ACTN2: variants seen among roughly 807,000 people sequenced by gnomAD.
ACTN2 encodes the protein alpha-actinin-2.
Under a neutral mutation model 113.8 loss-of-function variants are expected in ACTN2, and 39 were observed. The observed-to-expected ratio is 0.34, with a 90% CI of 0.27 to 0.45. ACTN2 has a LOEUF of 0.45. Ranked by LOEUF, ACTN2 falls within the 20% of genes least tolerant of loss-of-function variation. The pLI, the probability that ACTN2 is intolerant of heterozygous loss-of-function variation, is 1.00. For synonymous variants in ACTN2, 429 were observed against 444.1 expected, an observed-to-expected ratio of 0.97 and a Z score of 0.43; for missense variants, 992 against 1,177.9, an observed-to-expected ratio of 0.84 and a Z score of 2.31.
intron 1 of ACTN2, among the ~76,000 whole-genome samples, chr1:236,688,497 A>G (rs1665954070): frequency 6.6e-6 from 1 of 151,986 alleles, no homozygotes; most frequent in Non-Finnish European, 1.5e-5. Flanking sequence ...TTTTGGATAT[A>G]TGGCTTCGAA....
At chr1:236,699,215 T>G (rs2102867967) in intron 1 of ACTN2, among the ~76,000 whole-genome samples, 1 of 152,290 alleles carries the variant, frequency 6.6e-6, no homozygotes, top group South Asian at 2.1e-4. Context: ...GATTCAGTAT[T>G]TCTGATTTTC....
chr1:236,696,472 T>C lies in ACTN2; in HGVS notation c.126+9673T>C, dbSNP rs186073259. On this transcript the variant is annotated intron_variant, in intron 1 of 20. Transcript: ENST00000366578. ...CATGTGGAGTCTTTAAGTTATTTTGTTATAGTCAAACAAGATGTGAAGATG... is the reference window on the plus strand; with the variant it reads ...CATGTGGAGTCTTTAAGTTATTTTGCTATAGTCAAACAAGATGTGAAGATG... Among the ~76,000 whole-genome samples, 4 of 152,282 alleles carry C rather than the reference T, an allele frequency of 2.6e-5. No homozygotes were observed. In the East Asian group the frequency reaches 7.7e-4, roughly 29 times the overall value.
chr1:236,732,494 G>A (rs989005112), intron 7 of ACTN2, among the ~76,000 whole-genome samples: 1 of 151,632 alleles, frequency 6.6e-6, no homozygotes, highest in Non-Finnish European at 1.5e-5. Context: ...CCAGGCTGGA[G>A]TGCAGTGGTG....
At position 236,754,484 on chromosome 1, in the gene ACTN2, A is replaced by T. The variant is rs1659494715; in HGVS notation, c.1974+403A>T. ...TTTCAGGGACAGTGGTCTTTAAGTA[A>T]CCCTGTTGTCCTTTGATCACCAAGA... On this transcript the variant is annotated intron_variant, in intron 16 of 20. Transcript: ENST00000366578. This position sits in a 1 kb window ranked among gnomAD's most constrained non-coding sequence, Gnocchi z 4.9. Among the ~76,000 whole-genome samples the T allele has an allele frequency of 6.6e-6, 1 of 152,174 alleles. No homozygotes were observed. Among genetic ancestry groups the T allele is most frequent in the Non-Finnish European group, 1.5e-5 (1 of 68,024 alleles).
chr1:236,701,410 G>T (rs980519064), intron 1 of ACTN2, among the ~76,000 whole-genome samples: 1 of 152,114 alleles, frequency 6.6e-6, no homozygotes, highest in Non-Finnish European at 1.5e-5. Context: ...TAGTAATTCT[G>T]AATCTTTTAA....
chr1:236,713,625 A>G (rs1002120735), intron 1 of ACTN2, among the ~76,000 whole-genome samples: 97 of 151,948 alleles, frequency 6.4e-4, no homozygotes, highest in Non-Finnish European at 1.2e-3. Flanking sequence ...GATACCACTG[A>G]AGGGATATGC....
At chr1:236,696,810 C>T (rs1287167208) in intron 1 of ACTN2, among the ~76,000 whole-genome samples, 1 of 152,036 alleles carries the variant, frequency 6.6e-6, no homozygotes, top group South Asian at 2.1e-4. Flanking sequence ...AGACTACAGG[C>T]GTGCGCCACC....
intron 7 of ACTN2, 51 bp from the exon 8 acceptor site, chr1:236,735,584 T>C: frequency 7.0e-7 from 1 of 1,435,026 alleles, no homozygotes; most frequent in Non-Finnish European, 9.8e-7. Context: ...CGTCTGTATG[T>C]GTGTGGTGTG....
chr1:236,737,083 G>A (rs1175809050), intron 8 of ACTN2, 39 bp from the exon 9 acceptor site: 14 of 1,553,996 alleles, frequency 9.0e-6, no homozygotes, highest in African/African-American at 5.4e-5. Context: ...GCGCATTCCC[G>A]TCGACAGAGC....
At chr1:236,726,293 T>A (rs1658548348) in intron 5 of ACTN2, among the ~76,000 whole-genome samples, 1 of 152,202 alleles carries the variant, frequency 6.6e-6, no homozygotes. Flanking sequence ...TAAGCATGCA[T>A]CTTACTCTAG....
Position 236,751,081 on chromosome 1 carries a change from C to A in ACTN2, c.1657-389C>A, listed in dbSNP as rs532140189. On this transcript the variant is annotated intron_variant, in intron 14 of 20. Coordinates refer to ENST00000366578, the MANE Select transcript of ACTN2 (RefSeq NM_001103.4). ...CTCCAGCCTGAGTGACCTAGCGAGA[C>A]CCTGTCTCAAAAAAAAAAAAAAAAA... 3.9e-5 allele frequency among the ~76,000 whole-genome samples: 4 copies of A among 103,094 alleles called. No individual in the cohort carries two copies. In the East Asian group the frequency reaches 8.0e-4, roughly 21 times the overall value. 67.6% of individuals were successfully genotyped at this position (103,094 alleles called of 152,430 possible).
intron 13 of ACTN2, among the ~76,000 whole-genome samples, chr1:236,748,864 A>G (rs1214380183): frequency 6.6e-6 from 1 of 152,224 alleles, no homozygotes; most frequent in Non-Finnish European, 1.5e-5. Context: ...TCAGAAAAGT[A>G]GCATGTAGTG....
intron 12 of ACTN2, among the ~76,000 whole-genome samples, chr1:236,746,378 T>G (rs1318761002): frequency 6.6e-6 from 1 of 152,070 alleles, no homozygotes; most frequent in East Asian, 1.9e-4. Flanking sequence ...TTCAAACTTG[T>G]TATCCCTGGA....
chr1:236,735,604 G>C (rs766768613), intron 7 of ACTN2, 31 bp from the exon 8 acceptor site: 3 of 1,560,090 alleles, frequency 1.9e-6, no homozygotes, highest in Non-Finnish European at 2.7e-6. Flanking sequence ...GTGTGTGTGC[G>C]CGCGTCCTGT....
chr1:236,737,632 AGT>A (rs1658932399), intron 9 of ACTN2, among the ~76,000 whole-genome samples: 1 of 151,264 alleles, frequency 6.6e-6, no homozygotes. Context: ...ATAGGGACCC[AGT>A]GTCAAAGGAA....
rs1262138232 is a variant in ACTN2 at position 236,686,636 on chromosome 1, C to G, written c.-38C>G. On this transcript the variant is annotated 5_prime_UTR_variant, in exon 1 of 21. Transcript: ENST00000366578. ...TGCCAGTCAGCCCGTGCGTCCGAGC[C>G]CCTCGCGCCCCGCCGCAGCCCCGGC... The G allele has an allele frequency of 6.5e-7, 1 of 1,532,970 alleles. No individual in the cohort carries two copies. Among genetic ancestry groups the G allele is most frequent in the Admixed American group, 2.0e-5 (1 of 51,056 alleles). The allele number at this position is 1,532,970 out of a possible 1,614,324, so 95.0% of individuals were successfully genotyped here. A position where few individuals can be genotyped will look rare whatever the true frequency, so the allele number is the denominator to read the frequency against.
Position 236,739,336 on chromosome 1 carries a change from T to C in ACTN2, c.911T>C (p.Leu304Pro). 6.2e-7 allele frequency: 1 copy of C among 1,614,076 alleles called. No individual in the cohort carries two copies. The highest frequency in any genetic ancestry group is 8.5e-7 in the Non-Finnish European group (1 of 1,180,006). ...LEWIRRTIPW[L>P]ENRTPEKTMQ... is the part of the protein sequence containing the mutation. ...TGGATTCGTCGCACGATCCCCTGGC[T>C]GGAGAACCGGACTCCCGAGAAGACC... Residue 304 changes from leucine (L) to proline (P), a missense_variant, in exon 10 of 21, where the codon CTG (leucine) becomes CCG (proline). Physicochemically the swap from Leu to Pro is moderately conservative, Grantham distance 98. Transcript: ENST00000366578.
chr1:236,692,877 G>T (rs750565585), intron 1 of ACTN2, among the ~76,000 whole-genome samples: 1 of 152,146 alleles, frequency 6.6e-6, no homozygotes, highest in Non-Finnish European at 1.5e-5. Context: ...AAGCACCGCA[G>T]TCGGTTGCTG....
chr1:236,700,870 A>G (rs982264904), intron 1 of ACTN2, among the ~76,000 whole-genome samples: 1 of 152,202 alleles, frequency 6.6e-6, no homozygotes, highest in Non-Finnish European at 1.5e-5. Flanking sequence ...GAATTCCCAC[A>G]TATCTGGGAA....
Sources: allele counts gnomAD v4.1 joint callset (sites outside exome capture counted in the v4.1 genomes callset), GRCh38; gene constraint gnomAD v4.1.1; non-coding constraint Gnocchi (gnomAD v3.1); transcripts MANE v1.5; gene names NCBI Gene and HGNC (gene_info 2026-07-23, HGNC 2026-07-21).